Variants in VAV3 observed in about 807,000 individuals in gnomAD.
VAV3 encodes the protein guanine nucleotide exchange factor VAV3.
In VAV3, 94 loss-of-function variants were observed where a neutral mutation model predicts 131.2. The ratio of observed to expected loss-of-function variants is 0.72; its 90% CI spans 0.61 to 0.85. The LOEUF (loss-of-function observed/expected upper bound fraction) is 0.85. Among genes scored for constraint, VAV3 ranks in the 40% least tolerant of loss-of-function variants. The pLI, the probability that VAV3 is intolerant of heterozygous loss-of-function variation, is 0.00. For missense variants in VAV3, 939 were observed against 1,002.7 expected (o/e 0.94, Z 0.86); for synonymous variants, 349 against 342.0 (o/e 1.02, Z -0.22).
chr1:107,839,228 T>A (rs1042591366), intron 2 of VAV3, among the ~76,000 whole-genome samples: 2 of 152,212 alleles, frequency 1.3e-5, no homozygotes, highest in Admixed American at 6.5e-5. Context: ...ACTGACTTTG[T>A]CTTCTTCAAG....
intron 19 of VAV3, among the ~76,000 whole-genome samples, chr1:107,655,577 G>A (rs1165214692): frequency 6.6e-6 from 1 of 151,996 alleles, no homozygotes; most frequent in African/African-American, 2.4e-5. Flanking sequence ...GGTTTTTTGT[G>A]TAAGACCTCA....
At chr1:107,593,735 T>C (rs1488698428) in intron 25 of VAV3, among the ~76,000 whole-genome samples, 4 of 152,070 alleles carry the variant, frequency 2.6e-5, no homozygotes, top group Non-Finnish European at 5.9e-5. Flanking sequence ...TGAGCTTTTA[T>C]CAAGACTTGG....
At chr1:107,654,161 T>C (rs950750981) in intron 19 of VAV3, among the ~76,000 whole-genome samples, 4 of 151,942 alleles carry the variant, frequency 2.6e-5, no homozygotes, top group African/African-American at 9.7e-5. Flanking sequence ...CCAAGAAAAA[T>C]AAGTTTAGAT....
At chr1:107,636,713 T>C (rs919162652) in intron 20 of VAV3, among the ~76,000 whole-genome samples, 3 of 152,170 alleles carry the variant, frequency 2.0e-5, no homozygotes, top group African/African-American at 7.2e-5. Flanking sequence ...ATGTGTATCA[T>C]TTTTACACCA....
chr1:107,845,642 T>A (rs1002433068), intron 2 of VAV3, among the ~76,000 whole-genome samples: 2 of 151,836 alleles, frequency 1.3e-5, no homozygotes, highest in Non-Finnish European at 2.9e-5. Flanking sequence ...CACGAGAACT[T>A]CATGAAGCAT....
chr1:107,859,394 G>A (rs1669632682), intron 2 of VAV3, among the ~76,000 whole-genome samples: 1 of 152,084 alleles, frequency 6.6e-6, no homozygotes, highest in Non-Finnish European at 1.5e-5. Flanking sequence ...TTCTTGATTA[G>A]AAAACATGCT....
At chr1:107,883,690 G>A (rs1670895206) in intron 1 of VAV3, among the ~76,000 whole-genome samples, 1 of 152,060 alleles carries the variant, frequency 6.6e-6, no homozygotes, top group Non-Finnish European at 1.5e-5. Context: ...TGCCTCTGGT[G>A]TGTGTTCAAT....
intron 1 of VAV3, among the ~76,000 whole-genome samples, chr1:107,937,938 C>T (rs1054999448): frequency 6.6e-6 from 1 of 152,092 alleles, no homozygotes; most frequent in Admixed American, 6.5e-5. Flanking sequence ...AGTTCATAGG[C>T]CAGCAACCCT....
intron 20 of VAV3, 88 bp downstream of exon 20, chr1:107,642,531 T>G: frequency 6.7e-7 from 1 of 1,491,652 alleles, no homozygotes; most frequent in Non-Finnish European, 9.1e-7. Flanking sequence ...CTTTGCACTG[T>G]GGACTCGCCC....
intron 2 of VAV3, among the ~76,000 whole-genome samples, chr1:107,792,853 C>G (rs1315221814): frequency 1.3e-5 from 2 of 152,132 alleles, no homozygotes; most frequent in African/African-American, 4.8e-5. Flanking sequence ...TACCCTCCTT[C>G]TGGTTTGCAA....
intron 12 of VAV3, among the ~76,000 whole-genome samples, chr1:107,753,580 G>T (rs1355501370): frequency 7.6e-6 from 1 of 132,438 alleles, no homozygotes; most frequent in African/African-American, 2.8e-5. Flanking sequence ...TTGAGACAGA[G>T]TCAGAGTCTC....
chr1:107,850,271 C>T (rs138148334), intron 2 of VAV3, among the ~76,000 whole-genome samples: 12,614 of 152,102 alleles, frequency 0.083, 780 homozygotes, highest in East Asian at 0.24. Flanking sequence ...CACATGCCCA[C>T]GTATGTTTAT....
At position 107,617,587 on chromosome 1, in the gene VAV3, C is replaced by T; in HGVS notation, c.1960G>A (p.Ala654Thr). The T allele has an allele frequency of 6.2e-7, 1 of 1,612,356 alleles. No homozygotes were observed. The highest frequency in any genetic ancestry group is 8.5e-7 in the Non-Finnish European group (1 of 1,179,176). The stretch of plus-strand genomic sequence containing the variant: ...CTTACACATGGGCAAGGCTTGACTG[C>T]ATCACTTGGAAAAAATCCAACCTCT... ...SGEVGFFPSD[A>T]VKPCPCVPKP... Residue 654 changes from alanine to threonine, a missense_variant, in exon 21 of 27, where the codon GCA (alanine) becomes ACA (threonine). Physicochemically the swap from Ala to Thr is moderately conservative, Grantham distance 58 (BLOSUM62 0). Transcript: ENST00000370056.
At chr1:107,864,382 G>T (rs180729824) in intron 2 of VAV3, among the ~76,000 whole-genome samples, 114 of 152,326 alleles carry the variant, frequency 7.5e-4, no homozygotes, top group Middle Eastern at 3.4e-3. Flanking sequence ...AGCACTTTGG[G>T]AGGCTGAGGT....
intron 1 of VAV3, among the ~76,000 whole-genome samples, chr1:107,925,927 T>C (rs1673137212): frequency 6.6e-6 from 1 of 151,742 alleles, no homozygotes; most frequent in Non-Finnish European, 1.5e-5. Context: ...ATAACATACG[T>C]ATATATAAAC....
At position 107,779,461 on chromosome 1, in the gene VAV3, G is replaced by A. The variant is rs1665561022; in HGVS notation, c.353C>T (p.Thr118Ile). The change falls in exon 3 of 27, where the codon ACA becomes ATA. Residue 118 changes from threonine (T) to isoleucine (I), a missense_variant. Thr to Ile is a moderately conservative substitution (Grantham distance 89). Coordinates refer to ENST00000370056, the MANE Select transcript of VAV3 (RefSeq NM_006113.5). Reference protein sequence around the residue: ...VIETLSRLSRTPIALATGIRP... With the variant: ...VIETLSRLSRIPIALATGIRP... ...GATTCCTGTGGCCAATGCTATAGGT[G>A]TTCGAGAAAGTCGTGATAATGTTTC... 6.3e-7 allele frequency: 1 copy of A among 1,590,822 alleles called. No homozygotes were observed. The highest frequency in any genetic ancestry group is 2.3e-5 in the East Asian group (1 of 43,586).
intron 20 of VAV3, among the ~76,000 whole-genome samples, chr1:107,618,970 C>T (rs1353998636): frequency 6.6e-6 from 1 of 152,134 alleles, no homozygotes; most frequent in South Asian, 2.1e-4. Context: ...ATGGGTCTCA[C>T]TTTCGGAGTT....
At chr1:107,812,305 T>C (rs1242028456) in intron 2 of VAV3, among the ~76,000 whole-genome samples, 3 of 152,126 alleles carry the variant, frequency 2.0e-5, no homozygotes, top group East Asian at 1.9e-4. Flanking sequence ...CAGAAATATA[T>C]AATGGAAAAT....
intron 15 of VAV3, among the ~76,000 whole-genome samples, chr1:107,746,702 A>G (rs184105370): frequency 3.6e-4 from 55 of 152,298 alleles, no homozygotes; most frequent in African/African-American, 1.3e-3. Context: ...TACGTTGGTC[A>G]GTATTATGTA....
Sources: gnomAD v4.1 joint callset for allele counts (sites outside exome capture counted in the v4.1 genomes callset) on GRCh38, gnomAD v4.1.1 for gene constraint, MANE v1.5 for transcripts, NCBI Gene and HGNC (gene_info 2026-07-23, HGNC 2026-07-21) for gene names.